TRANK1: variants seen among roughly 807,000 people sequenced by gnomAD.
The protein encoded by TRANK1 is tetratricopeptide repeat and ankyrin repeat containing 1.
A neutral mutation model predicts 266.0 loss-of-function variants in TRANK1; 198 were observed. That is an observed-to-expected ratio of 0.74 (90% confidence interval 0.66 to 0.84). TRANK1 has a LOEUF of 0.84. Ranked by LOEUF, TRANK1 falls within the 40% of genes least tolerant of loss-of-function variation. The pLI is 0.00. For missense variants in TRANK1, 3,326 were observed against 3,634.6 expected, an observed-to-expected ratio of 0.92 and a Z score of 2.18; for synonymous variants, 1,396 against 1,384.1, an observed-to-expected ratio of 1.01 and a Z score of -0.19.
intron 1 of TRANK1, among the ~76,000 whole-genome samples, chr3:36,940,672 G>A (rs1417525347): frequency 1.3e-5 from 2 of 152,154 alleles, no homozygotes; most frequent in Non-Finnish European, 2.9e-5. Flanking sequence ...TCGAGAGCTT[G>A]TCTGCACCTC....
chr3:36,831,781 A>G lies in TRANK1; in HGVS notation c.7802T>C (p.Met2601Thr). The G allele has an allele frequency of 1.2e-6, 2 of 1,613,972 alleles. No individual in the cohort carries two copies. The highest frequency in any genetic ancestry group is 1.1e-5 in the South Asian group (1 of 91,078). The part of the protein sequence containing the change: ...EIESRLQLMS[M>T]DCPGQVPERL... ...CTCGGGAACCTGGCCAGGGCAGTCC[A>G]TGCTCATGAGCTGCAGCCTTGACTC... Residue 2601 changes from methionine to threonine, a missense_variant, in exon 22 of 24, where the codon ATG becomes ACG. Coordinates refer to ENST00000645898, the MANE Select transcript of TRANK1 (RefSeq NM_001329998.2). The surrounding 1 kb of genome is among the most constrained non-coding windows in gnomAD (Gnocchi z 5.0).
At chr3:36,884,492 C>CTTT (rs770206644) in intron 8 of TRANK1, among the ~76,000 whole-genome samples, 1 of 152,140 alleles carries the variant, frequency 6.6e-6, no homozygotes, top group Non-Finnish European at 1.5e-5. Flanking sequence ...TGCCTTATGG[C>CTTT]TAAAGCTGGA....
rs1350517165 is a variant in TRANK1, at chr3:36,879,909, TGC to T, written c.908-5615_908-5614del. ...GTAAACATGCAAATATATGTAAACATGCAAATATATGTAAACATGCAAATATA... is the reference window on the plus strand; with the variant it reads ...GTAAACATGCAAATATATGTAAACATAAATATATGTAAACATGCAAATATA... On this transcript the variant is annotated intron_variant, in intron 8 of 23. Coordinates refer to ENST00000645898, the MANE Select transcript of TRANK1 (RefSeq NM_001329998.2). 9.1e-4 allele frequency among the ~76,000 whole-genome samples: 63 copies of T among 69,126 alleles called. 8 individuals are homozygous for T. The highest frequency in any genetic ancestry group is 2.4e-3 in the South Asian group (5 of 2,090). 45.3% of individuals were successfully genotyped at this position (69,126 alleles called of 152,430 possible).
At chr3:36,845,082 C>A (rs2078898001) in intron 17 of TRANK1, among the ~76,000 whole-genome samples, 1 of 151,892 alleles carries the variant, frequency 6.6e-6, no homozygotes, top group Non-Finnish European at 1.5e-5. Context: ...GCAAATAGCA[C>A]AGAGGTAAGA....
chr3:36,900,877 G>C (rs201439945), intron 3 of TRANK1, among the ~76,000 whole-genome samples: 3 of 75,574 alleles, frequency 4.0e-5, no homozygotes, highest in Admixed American at 1.5e-4. Context: ...AAAAAAAAAA[G>C]ATAACAGGTG....
At chr3:36,905,933 G>GGGAACAGTGTCA (rs1234233586) in intron 2 of TRANK1, among the ~76,000 whole-genome samples, 1 of 152,170 alleles carries the variant, frequency 6.6e-6, no homozygotes, top group Non-Finnish European at 1.5e-5. Flanking sequence ...GATGGGCAAG[G>GGGAACAGTGTCA]GGAACAGTGT....
At chr3:36,929,883 A>ATTGTTGTTGTTGTTGTTG (rs201004320) in intron 1 of TRANK1, among the ~76,000 whole-genome samples, 110 of 149,058 alleles carry the variant, frequency 7.4e-4, no homozygotes, top group African/African-American at 1.1e-3. Flanking sequence ...GATGCAGCAG[A>ATTGTTGTTGTTGTTGTTG]TTGTTGTTGT....
chr3:36,843,283 T>C (rs1446410319), intron 17 of TRANK1, among the ~76,000 whole-genome samples: 3 of 152,154 alleles, frequency 2.0e-5, no homozygotes, highest in Non-Finnish European at 4.4e-5. Context: ...TGGTTTGGTT[T>C]TTAAGTTTTG....
rs377643698 is a variant in TRANK1, at chr3:36,928,013, G to T, written c.23+16774C>A. On this transcript the variant is annotated intron_variant, in intron 1 of 23. Coordinates refer to ENST00000645898, the MANE Select transcript of TRANK1 (RefSeq NM_001329998.2). ...GTGGTGCATTTTGATATAGAATGTG[G>T]GGTCACAGGTTGTGATGAGCAAACC... Among the ~76,000 whole-genome samples the T allele has an allele frequency of 1.6e-4, 24 of 152,260 alleles. No individual in the cohort carries two copies. The South Asian group carries it at 4.8e-3, about 30-fold the overall frequency.
chr3:36,885,605 G>A (rs751989407), intron 8 of TRANK1, among the ~76,000 whole-genome samples: 3 of 152,232 alleles, frequency 2.0e-5, no homozygotes, highest in Non-Finnish European at 4.4e-5. Context: ...CACGATCGTA[G>A]TTCACTGCAG....
chr3:36,883,171 T>G (rs767337711), intron 8 of TRANK1, among the ~76,000 whole-genome samples: 2 of 152,140 alleles, frequency 1.3e-5, no homozygotes, highest in African/African-American at 2.4e-5. Context: ...CAAGGTGCAA[T>G]GGCTCATGCC....
At chr3:36,933,430 C>A (rs556683295) in intron 1 of TRANK1, among the ~76,000 whole-genome samples, 3 of 152,226 alleles carry the variant, frequency 2.0e-5, no homozygotes, top group South Asian at 2.1e-4. Flanking sequence ...TTATTCCCAA[C>A]AAAAGTGAGA....
intron 1 of TRANK1, among the ~76,000 whole-genome samples, chr3:36,938,206 T>G (rs1360546561): frequency 6.6e-6 from 1 of 151,406 alleles, no homozygotes; most frequent in Non-Finnish European, 1.5e-5. Flanking sequence ...TTTTTTTGTT[T>G]GTTTGTTTGT....
At chr3:36,912,212 G>C (rs1208923551) in intron 1 of TRANK1, among the ~76,000 whole-genome samples, 1 of 151,758 alleles carries the variant, frequency 6.6e-6, no homozygotes, top group East Asian at 1.9e-4. Context: ...GTGCTATAAG[G>C]TCAGCGTGAC....
At position 36,832,695 on chromosome 3, in the gene TRANK1, A is replaced by G. The variant is rs1321178946; in HGVS notation, c.6888T>C (p.Asn2296=). ...ATCTGTAGAACCGGAAGGATTTGTA[A>G]TTTGGTTTGAGGATTTCTTTGCATG... is the stretch of plus-strand genomic sequence containing the variant. The part of the protein sequence containing the change: ...PMACKEILKP[N]YKSFRFYRFA... The change falls in exon 22 of 24, where the codon AAT becomes AAC. Residue 2296 remains asparagine (N), a synonymous_variant. Coordinates refer to ENST00000645898, the MANE Select transcript of TRANK1 (RefSeq NM_001329998.2). 2.5e-6 allele frequency: 4 copies of G among 1,613,858 alleles called. No individual in the cohort carries two copies. The highest frequency in any genetic ancestry group is 2.5e-6 in the Non-Finnish European group (3 of 1,179,876).
At chr3:36,902,728 C>T (rs976709932) in intron 3 of TRANK1, among the ~76,000 whole-genome samples, 2 of 152,190 alleles carry the variant, frequency 1.3e-5, no homozygotes, top group African/African-American at 4.8e-5. Flanking sequence ...TGAAGTAAAG[C>T]TTTGCTCAGA....
chr3:36,937,763 C>A (rs2080443901), intron 1 of TRANK1, among the ~76,000 whole-genome samples: 1 of 152,160 alleles, frequency 6.6e-6, no homozygotes, highest in African/African-American at 2.4e-5. Context: ...TCCTTCATGG[C>A]CCCCATTGTT....
intron 1 of TRANK1, among the ~76,000 whole-genome samples, chr3:36,942,584 C>T (rs1189739303): frequency 6.6e-6 from 1 of 151,686 alleles, no homozygotes; most frequent in African/African-American, 2.4e-5. Flanking sequence ...GGCCAGCTCT[C>T]TGTGGACACA....
chr3:36,941,237 G>T (rs2080492045), intron 1 of TRANK1, among the ~76,000 whole-genome samples: 1 of 152,150 alleles, frequency 6.6e-6, no homozygotes, highest in African/African-American at 2.4e-5. Flanking sequence ...AGTGCTAGGA[G>T]GACCCAGTGC....
Sources: allele counts gnomAD v4.1 joint callset (sites outside exome capture counted in the v4.1 genomes callset), GRCh38; gene constraint gnomAD v4.1.1; non-coding constraint Gnocchi (gnomAD v3.1); transcripts MANE v1.5; gene names NCBI Gene and HGNC (gene_info 2026-07-23, HGNC 2026-07-21).